Variants in FANCI observed in about 807,000 individuals in gnomAD.
FANCI encodes the protein FA complementation group I.
FANCI carries 156 observed loss-of-function variants against 176.1 expected under a neutral mutation model. That is an observed-to-expected ratio of 0.89 (90% CI 0.78 to 1.01). FANCI has a LOEUF of 1.01. Among genes scored for constraint, FANCI ranks in the 50% least tolerant of loss-of-function variants. FANCI has a pLI of 0.00. For synonymous variants in FANCI, 613 were observed against 541.7 expected (o/e 1.13, Z -1.83); for missense variants, 1,678 against 1,534.1 (o/e 1.09, Z -1.57).
At chr15:89,276,254 CTGAG>C (rs1361065016) in intron 12 of FANCI, among the ~76,000 whole-genome samples, 1 of 152,218 alleles carries the variant, frequency 6.6e-6, no homozygotes, top group Non-Finnish European at 1.5e-5. Context: ...TAAATATCTA[CTGAG>C]TGTCTTTTAT....
At chr15:89,302,523 C>A (rs372624202) in intron 27 of FANCI, among the ~76,000 whole-genome samples, 2 of 151,940 alleles carry the variant, frequency 1.3e-5, no homozygotes, top group Non-Finnish European at 2.9e-5. Flanking sequence ...GATTTTTAAA[C>A]GTTTTACCAC....
chr15:89,247,524 C>A, intron 1 of FANCI, 105 bp from the exon 2 acceptor site: 1 of 806,596 alleles, frequency 1.2e-6, no homozygotes, highest in South Asian at 1.4e-5. Context: ...TGTTGAGCAC[C>A]CATTGCATAA....
intron 6 of FANCI, among the ~76,000 whole-genome samples, chr15:89,262,922 G>C (rs540128772): frequency 6.6e-6 from 1 of 152,152 alleles, no homozygotes; most frequent in Non-Finnish European, 1.5e-5. Context: ...ATAGAGATGG[G>C]AATCTTGCTT....
At chr15:89,309,019 T>C (rs924854108) in intron 34 of FANCI, among the ~76,000 whole-genome samples, 19 of 152,068 alleles carry the variant, frequency 1.2e-4, no homozygotes, top group African/African-American at 4.3e-4. Context: ...TTCTTAGTAA[T>C]GGGCTGATAG....
At chr15:89,305,952 C>CTCTT (rs2054701829) in intron 31 of FANCI, 55 bp from the exon 32 acceptor site, 5 of 1,571,256 alleles carry the variant, frequency 3.2e-6, no homozygotes, top group Middle Eastern at 1.7e-4. Context: ...ATCTCCTTTA[C>CTCTT]TCTTAATTAG....
rs771088041 is a variant in FANCI at position 89,278,790 on chromosome 15, AGAAT to A, written c.1381+21_1381+24del. On this transcript the variant is annotated intron_variant, in intron 14 of 37. Coordinates refer to ENST00000310775, the MANE Select transcript of FANCI (RefSeq NM_001113378.2). ...CATTTCTTAGGTATTCAACTTTGAAAGAATGAATAAAGTTTTTAGAAATATTTTC... is the reference window on the plus strand; with the variant it reads ...CATTTCTTAGGTATTCAACTTTGAAAGAATAAAGTTTTTAGAAATATTTTC... 4 of 1,593,940 alleles carry A rather than the reference AGAAT, an allele frequency of 2.5e-6. No individual in the cohort carries two copies. Among genetic ancestry groups the A allele is most frequent in the Middle Eastern group, 1.7e-4 (1 of 6,020 alleles).
chr15:89,248,297 A>G (rs1202594488), intron 2 of FANCI, among the ~76,000 whole-genome samples: 2 of 152,162 alleles, frequency 1.3e-5, no homozygotes, highest in South Asian at 2.1e-4. Context: ...AAGTGATCTC[A>G]TCCTATCCAG....
chr15:89,288,134 C>T (rs900935846), intron 18 of FANCI, among the ~76,000 whole-genome samples: 6 of 152,166 alleles, frequency 3.9e-5, no homozygotes, highest in Non-Finnish European at 7.3e-5. Flanking sequence ...AAATTAGGTA[C>T]GCCCATATTC....
chr15:89,244,229 G>C (rs1252283519), intron 1 of FANCI, 196 bp downstream of exon 1: 1 of 152,400 alleles, frequency 6.6e-6, no homozygotes, highest in Non-Finnish European at 1.5e-5. Flanking sequence ...CCCTCCTAGG[G>C]GTGTGCCTCA....
intron 13 of FANCI, among the ~76,000 whole-genome samples, chr15:89,277,611 C>CAAAAAAAAAAAAAAAAAA (rs554395033): frequency 4.1e-5 from 2 of 48,950 alleles, no homozygotes; most frequent in Non-Finnish European, 5.3e-5. Flanking sequence ...GATCCTATCT[C>CAAAAAAAAAAAAAAAAAA]AAAAAAAAAA....
intron 34 of FANCI, among the ~76,000 whole-genome samples, chr15:89,308,898 A>G (rs1217311554): frequency 1.3e-5 from 2 of 151,662 alleles, no homozygotes; most frequent in African/African-American, 2.4e-5. Context: ...GTGAGCAAAG[A>G]TCGCACTGTT....
rs1209336975 is a variant in FANCI, at chr15:89,314,595, A to C, written c.3721-17A>C. ...CCATTGAACCTGAAATTTAAGTCTT[A>C]TGTTCTTTGCCCTTAGGCCAGAGTT... On this transcript the variant is annotated splice_polypyrimidine_tract_variant and intron_variant, in intron 35 of 37. Transcript: ENST00000310775. The C allele has an allele frequency of 6.3e-7, 1 of 1,592,808 alleles. No homozygotes were observed. Among genetic ancestry groups the C allele is most frequent in the Non-Finnish European group, 8.6e-7 (1 of 1,160,644 alleles).
chr15:89,300,103 AGGATT>A, intron 25 of FANCI, 137 bp downstream of exon 25: 1 of 1,090,694 alleles, frequency 9.2e-7, no homozygotes, highest in Non-Finnish European at 1.4e-6. Context: ...TAGTGGATTC[AGGATT>A]GGTACCTACT....
chr15:89,288,543 A>G (rs1363620452), intron 18 of FANCI, among the ~76,000 whole-genome samples: 1 of 151,624 alleles, frequency 6.6e-6, no homozygotes, highest in Non-Finnish European at 1.5e-5. Flanking sequence ...TTTTTTTAAT[A>G]TGATCCTTTT....
chr15:89,317,121 C>G lies in FANCI; in HGVS notation c.*662C>G, dbSNP rs560246181. 22 of 592,080 alleles carry G rather than the reference C, an allele frequency of 3.7e-5. 1 individual carries two copies. The South Asian group carries it at 3.8e-4, about 10-fold the overall frequency. The allele number at this position is 592,080 out of a possible 1,614,324, so 36.7% of individuals were successfully genotyped here. A position where few individuals can be genotyped will look rare whatever the true frequency, so the allele number is the denominator to read the frequency against. On this transcript the variant is annotated 3_prime_UTR_variant, in exon 38 of 38. Coordinates refer to ENST00000310775, the MANE Select transcript of FANCI (RefSeq NM_001113378.2). ...GAATGCACTCTATAGAATAAATTAT[C>G]TTTAAACATTTCTTCTGTGGTTGAA...
At chr15:89,281,892 A>C in intron 16 of FANCI, 57 bp downstream of exon 16, 1 of 1,495,118 alleles carries the variant, frequency 6.7e-7, no homozygotes, top group Non-Finnish European at 9.3e-7. Context: ...TTGGAGCTAA[A>C]GTTATCTCTG....
intron 9 of FANCI, among the ~76,000 whole-genome samples, chr15:89,267,373 C>G (rs910697940): frequency 2.7e-5 from 4 of 150,314 alleles, no homozygotes; most frequent in Non-Finnish European, 5.9e-5. Context: ...TGATGATGCC[C>G]TGGAAGCTAA....
Position 89,299,803 on chromosome 15 carries a change from C to A in FANCI, c.2640C>A (p.Val880=), listed in dbSNP as rs957180223. The change falls in exon 25 of 38, where the codon GTC becomes GTA. Residue 880 remains valine, a synonymous_variant. Coordinates refer to ENST00000310775, the MANE Select transcript of FANCI (RefSeq NM_001113378.2). ...ATACCACTTTCTCCTGCTTCAGAGT[C>A]TTGCTATGGAGATACACTTCAATTC... ...IFQNLCDITR[V]LLWRYTSIPT... The A allele has an allele frequency of 1.9e-6, 3 of 1,613,264 alleles. No individual in the cohort carries two copies. The highest frequency in any genetic ancestry group is 2.2e-5 in the East Asian group (1 of 44,836).
At chr15:89,284,199 A>G (rs1260139388) in intron 17 of FANCI, among the ~76,000 whole-genome samples, 2 of 152,176 alleles carry the variant, frequency 1.3e-5, no homozygotes, top group Non-Finnish European at 2.9e-5. Flanking sequence ...CATTGTATTT[A>G]CTTTGCACAG....
Sources: gnomAD v4.1 joint callset for allele counts (sites outside exome capture counted in the v4.1 genomes callset) on GRCh38, gnomAD v4.1.1 for gene constraint, MANE v1.5 for transcripts, NCBI Gene and HGNC (gene_info 2026-07-23, HGNC 2026-07-21) for gene names.